WDR35: variants seen among roughly 807,000 people sequenced by gnomAD.
The protein encoded by WDR35 is WD repeat domain 35, also known as WD repeat-containing protein 35.
WDR35 carries 118 observed loss-of-function variants against 158.3 expected under a neutral mutation model. The observed-to-expected ratio is 0.75, with a 90% CI of 0.64 to 0.87. The LOEUF (loss-of-function observed/expected upper bound fraction) is 0.87, where lower values mean the gene tolerates loss of function less well. Ranked by LOEUF, WDR35 falls within the 40% of genes least tolerant of loss-of-function variation. The pLI, the probability that WDR35 is intolerant of heterozygous loss-of-function variation, is 0.00. For missense variants in WDR35, 1,263 were observed against 1,405.8 expected, an observed-to-expected ratio of 0.90 and a Z score of 1.62; for synonymous variants, 448 against 476.1, an observed-to-expected ratio of 0.94 and a Z score of 0.77.
Position 19,945,822 on chromosome 2 carries a change from C to T in WDR35, c.1809G>A (p.Lys603=). The T allele has an allele frequency of 6.2e-7, 1 of 1,613,836 alleles. No homozygotes were observed. Among genetic ancestry groups the T allele is most frequent in the South Asian group, 1.1e-5 (1 of 91,074 alleles). ...AGTTTCTGAAAACATACATTCTTGT[C>T]TTCTCCATCATTGCAAACAAATCAG... ...DNPDLFAMME[K]TRMYVFRNLD... Residue 603 remains lysine (K), a synonymous_variant, in exon 16 of 27, where the codon AAG becomes AAA. Coordinates refer to ENST00000281405, the MANE Select transcript of WDR35 (RefSeq NM_020779.4).
chr2:19,983,140 G>A (rs770003504), intron 2 of WDR35, among the ~76,000 whole-genome samples: 1 of 152,198 alleles, frequency 6.6e-6, no homozygotes, highest in Non-Finnish European at 1.5e-5. Context: ...AGTAGCAGAA[G>A]TGACTTAATT....
chr2:19,962,321 TCTC>T, intron 10 of WDR35: 1 of 1,613,050 alleles, frequency 6.2e-7, no homozygotes, highest in Non-Finnish European at 8.5e-7. Context: ...TCCATCTCGT[TCTC>T]CTCCTTTGAA....
chr2:19,936,274 G>C lies in WDR35; in HGVS notation c.2359C>G (p.Leu787Val). 1 of 1,614,052 alleles carries C rather than the reference G, an allele frequency of 6.2e-7. No homozygotes were observed. The highest frequency in any genetic ancestry group is 1.3e-5 in the African/African-American group (1 of 75,056). ...ATGGCATTGTTGGCTTGTTCCAGGA[G>C]ACTGTCATCTGCATCACCAGATCCA... is the stretch of plus-strand genomic sequence containing the variant. ...KTGSGDADDS[L>V]LEQANNAIGD... The change falls in exon 20 of 27, where the codon CTC (leucine) becomes GTC (valine). Residue 787 changes from leucine to valine, a missense_variant. Coordinates refer to ENST00000281405, the MANE Select transcript of WDR35 (RefSeq NM_020779.4).
At chr2:19,966,438 T>C (rs1671855000) in intron 10 of WDR35, among the ~76,000 whole-genome samples, 3 of 152,188 alleles carry the variant, frequency 2.0e-5, no homozygotes, top group Non-Finnish European at 4.4e-5. Flanking sequence ...GAAATTTTAA[T>C]TTGAAAAGGG....
chr2:19,950,921 T>G (rs1164659462), intron 13 of WDR35, among the ~76,000 whole-genome samples: 1 of 152,214 alleles, frequency 6.6e-6, no homozygotes, highest in Admixed American at 6.5e-5. Context: ...AACAGTTTTA[T>G]AAACAATAGG....
chr2:19,975,512 A>T lies in WDR35; in HGVS notation c.570+18T>A, dbSNP rs1672176428. ...ATATAAAATTGTATAAACAAGACTG[A>T]TGCATACACTTACTTACCATAAAAT... On this transcript the variant is annotated intron_variant, in intron 6 of 26. Coordinates refer to ENST00000281405, the MANE Select transcript of WDR35 (RefSeq NM_020779.4). The T allele has an allele frequency of 6.2e-7, 1 of 1,608,278 alleles. No individual in the cohort carries two copies. The highest frequency in any genetic ancestry group is 1.7e-5 in the Admixed American group (1 of 59,630).
chr2:19,965,026 C>A (rs1421315414), intron 10 of WDR35, among the ~76,000 whole-genome samples: 2 of 152,054 alleles, frequency 1.3e-5, no homozygotes, highest in Non-Finnish European at 2.9e-5. Context: ...CGGGTTCAAG[C>A]GACTGTCCTG....
At chr2:19,987,811 G>A (rs770450854) in intron 2 of WDR35, among the ~76,000 whole-genome samples, 1 of 96,296 alleles carries the variant, frequency 1.0e-5, no homozygotes, top group Non-Finnish European at 1.9e-5. Flanking sequence ...GCAACAGAGC[G>A]AAACTCTGTC....
At chr2:19,923,508 A>G (rs1016217715) in intron 25 of WDR35, among the ~76,000 whole-genome samples, 2 of 152,248 alleles carry the variant, frequency 1.3e-5, no homozygotes, top group African/African-American at 4.8e-5. Flanking sequence ...AAGAGATTAC[A>G]GAGCAGGTTT....
At chr2:19,979,779 A>G (rs1471717317) in intron 4 of WDR35, among the ~76,000 whole-genome samples, 1 of 140,858 alleles carries the variant, frequency 7.1e-6, no homozygotes, top group East Asian at 2.1e-4. Flanking sequence ...CCCTACACAC[A>G]CACACACACA....
At chr2:19,955,191 C>A (rs1293623077) in intron 11 of WDR35, among the ~76,000 whole-genome samples, 1 of 152,192 alleles carries the variant, frequency 6.6e-6, no homozygotes, top group Non-Finnish European at 1.5e-5. Context: ...ACCTCACCAT[C>A]TGCCCGCCTC....
chr2:19,933,358 C>G (rs764798305), intron 22 of WDR35, 43 bp downstream of exon 22: 26 of 1,533,940 alleles, frequency 1.7e-5, no homozygotes, highest in Non-Finnish European at 2.3e-5. Context: ...CTTAAAAATT[C>G]CTAAGACAAT....
intron 17 of WDR35, among the ~76,000 whole-genome samples, chr2:19,940,292 G>A (rs1379866375): frequency 6.6e-6 from 1 of 151,942 alleles, no homozygotes; most frequent in Admixed American, 6.6e-5. Context: ...ACTTGAGCCT[G>A]GGGGGCAGAG....
At chr2:19,976,785 G>A (rs1331317757) in intron 5 of WDR35, among the ~76,000 whole-genome samples, 5 of 146,158 alleles carry the variant, frequency 3.4e-5, no homozygotes, top group East Asian at 2.0e-4. Context: ...TATATTTCTC[G>A]ACATCCTTCT....
chr2:19,927,604 T>C (rs554180737), intron 25 of WDR35, among the ~76,000 whole-genome samples: 1 of 152,216 alleles, frequency 6.6e-6, no homozygotes. Flanking sequence ...CTCTAGGAGC[T>C]AAACATTAAG....
chr2:19,967,128 T>C (rs1671881427), intron 9 of WDR35, among the ~76,000 whole-genome samples: 1 of 152,218 alleles, frequency 6.6e-6, no homozygotes, highest in African/African-American at 2.4e-5. Flanking sequence ...AATATAAATT[T>C]AGTTTGTCTA....
chr2:19,946,985 C>G (rs1671081074), intron 14 of WDR35, among the ~76,000 whole-genome samples: 1 of 152,112 alleles, frequency 6.6e-6, no homozygotes, highest in Admixed American at 6.5e-5. Flanking sequence ...TATGATATAG[C>G]TGTTACTGAA....
At chr2:19,920,806 G>A (rs997070796) in intron 25 of WDR35, among the ~76,000 whole-genome samples, 8 of 152,168 alleles carry the variant, frequency 5.3e-5, no homozygotes, top group African/African-American at 1.9e-4. Context: ...GTTTGCAGAT[G>A]ACATGATTGT....
At chr2:19,977,959 C>T (rs946992709) in intron 5 of WDR35, among the ~76,000 whole-genome samples, 1 of 152,170 alleles carries the variant, frequency 6.6e-6, no homozygotes, top group Non-Finnish European at 1.5e-5. Flanking sequence ...GCATCACTTC[C>T]TCCAGGAAGC....
Sources: allele counts gnomAD v4.1 joint callset (sites outside exome capture counted in the v4.1 genomes callset), GRCh38; gene constraint gnomAD v4.1.1; transcripts MANE v1.5; gene names NCBI Gene and HGNC (gene_info 2026-07-23, HGNC 2026-07-21).